The following MAP4K1 variants were observed in gnomAD, a reference collection of about 807,000 sequenced individuals.
MAP4K1 encodes the protein MAPK/ERK kinase kinase kinase 1.
In MAP4K1, 35 loss-of-function variants were observed where a neutral mutation model predicts 122.8. That is an observed-to-expected ratio of 0.29 (90% CI 0.22 to 0.38). MAP4K1 has a LOEUF of 0.38. MAP4K1 is among the 10% of genes least tolerant of loss of function. MAP4K1 has a pLI of 1.00. For synonymous variants in MAP4K1, 412 were observed against 421.3 expected, an observed-to-expected ratio of 0.98 and a Z score of 0.27; for missense variants, 791 against 1,072.6, an observed-to-expected ratio of 0.74 and a Z score of 3.67.
At chr19:38,601,241 AC>A (rs1450689893) in intron 20 of MAP4K1, among the ~76,000 whole-genome samples, 199 bp downstream of exon 20, 1 of 151,872 alleles carries the variant, frequency 6.6e-6, no homozygotes, top group Non-Finnish European at 1.5e-5. Context: ...GAGCCACCAC[AC>A]CTGGCTGCCC....
chr19:38,596,063 C>T, intron 26 of MAP4K1, 62 bp from the exon 27 acceptor site: 1 of 1,525,388 alleles, frequency 6.6e-7, no homozygotes, highest in South Asian at 1.1e-5. Context: ...CACACCACCC[C>T]CAGAAGGCCA....
chr19:38,591,414 C>G (rs1182157500), intron 30 of MAP4K1, among the ~76,000 whole-genome samples: 1 of 150,550 alleles, frequency 6.6e-6, no homozygotes, highest in Non-Finnish European at 1.5e-5. Context: ...AACTGTAGTC[C>G]CAGCTACTCA....
intron 19 of MAP4K1, among the ~76,000 whole-genome samples, chr19:38,603,674 A>G (rs1214778198): frequency 1.3e-5 from 2 of 152,026 alleles, no homozygotes; most frequent in Non-Finnish European, 2.9e-5. Context: ...GCCTCTATAA[A>G]ACATTTTTTT....
chr19:38,611,556 G>T (rs931099771), intron 9 of MAP4K1, among the ~76,000 whole-genome samples: 4 of 152,180 alleles, frequency 2.6e-5, no homozygotes, highest in Admixed American at 6.5e-5. Flanking sequence ...GCCAAGGCGG[G>T]AGGATAGCTT....
intron 20 of MAP4K1, among the ~76,000 whole-genome samples, chr19:38,600,799 A>ATTTTTTTTTTTT (rs560496607): frequency 2.2e-5 from 2 of 90,958 alleles, no homozygotes; most frequent in African/African-American, 4.3e-5. Flanking sequence ...CCCTCTACCC[A>ATTTTTTTTTTTT]TTTTTTTTTT....
intron 16 of MAP4K1, among the ~76,000 whole-genome samples, chr19:38,606,866 G>A (rs1022171946): frequency 2.0e-5 from 3 of 152,156 alleles, no homozygotes; most frequent in African/African-American, 7.2e-5. Context: ...ACAGGCTGTC[G>A]CACGTGATGG....
rs374788994 is a variant in MAP4K1, at chr19:38,605,434, G to C, written c.1421C>G (p.Pro474Arg). Reference sequence around the variant, plus strand: ...CTTTCTCTTCATCTTTTCCTTCTTGGGGGGCAGAAGTGGGGGCTTGTCAAG... The same window carrying C: ...CTTTCTCTTCATCTTTTCCTTCTTGCGGGGCAGAAGTGGGGGCTTGTCAAG... ...RELDKPPLLP[P>R]KKEKMKRKGC... Residue 474 changes from proline (P) to arginine (R), a missense_variant, in exon 19 of 31, where the codon CCC becomes CGC. Transcript: ENST00000396857. 6.2e-7 allele frequency: 1 copy of C among 1,601,608 alleles called. No homozygotes were observed. Among genetic ancestry groups the C allele is most frequent in the Non-Finnish European group, 8.5e-7 (1 of 1,175,248 alleles).
intron 20 of MAP4K1, among the ~76,000 whole-genome samples, chr19:38,600,356 G>A (rs1400755001): frequency 6.6e-6 from 1 of 152,000 alleles, no homozygotes; most frequent in Non-Finnish European, 1.5e-5. Context: ...CCCTCCTTTT[G>A]ACTACCCATA....
chr19:38,600,213 C>T, intron 20 of MAP4K1, 60 bp from the exon 21 acceptor site: 1 of 1,420,304 alleles, frequency 7.0e-7, no homozygotes, highest in South Asian at 1.2e-5. Context: ...CCCAGATCCC[C>T]ACCTGTCTGA....
Position 38,596,409 on chromosome 19 carries a change from C to T in MAP4K1, c.2019G>A (p.Val673=), listed in dbSNP as rs1466796130. Residue 673 remains valine (V), a synonymous_variant, in exon 26 of 31, where the codon GTG becomes GTA. Transcript: ENST00000396857. ...LTGPGSELPA[V]CIGVSPGRPG... is the part of the protein sequence containing the mutation. ...GCCGCCCGGGGCTCACGCCGATGCA[C>T]ACAGCGGGCAGCTCAGAGCCTGGCC... 6.3e-6 allele frequency: 10 copies of T among 1,594,742 alleles called. No homozygotes were observed. The South Asian group carries it at 9.0e-5, about 14-fold the overall frequency.
chr19:38,609,883 G>A, intron 12 of MAP4K1, 26 bp downstream of exon 12: 3 of 1,590,136 alleles, frequency 1.9e-6, no homozygotes, highest in Non-Finnish European at 2.6e-6. Context: ...GAGGTCCCCA[G>A]TGCTCTTGTC....
rs1408564722 is a variant in MAP4K1 at position 38,609,246 on chromosome 19, T to C, written c.1006+350A>G. On this transcript the variant is annotated intron_variant, in intron 13 of 30. Transcript: ENST00000396857. ...ACCTCCCAGGTTCAGGCAATCCTCC[T>C]ACCTCAGCCTCCCAAGTAGCTTGGA... is the stretch of plus-strand genomic sequence containing the variant. 2.0e-5 allele frequency among the ~76,000 whole-genome samples: 3 copies of C among 152,252 alleles called. No homozygotes were observed. The South Asian group carries it at 6.2e-4, about 32-fold the overall frequency.
rs202144106 is a variant in MAP4K1, at chr19:38,614,458, C to T, written c.314-13G>A. The T allele has an allele frequency of 2.5e-6, 4 of 1,613,818 alleles. No homozygotes were observed. Among genetic ancestry groups the T allele is most frequent in the Non-Finnish European group, 3.4e-6 (4 of 1,180,038 alleles). ...AGGGAGCCTGTCACTGCAAAGGTCACCCCGGCCAGGCCAGGCATTGGATGG... is the reference window on the plus strand; with the variant it reads ...AGGGAGCCTGTCACTGCAAAGGTCATCCCGGCCAGGCCAGGCATTGGATGG... On this transcript the variant is annotated splice_polypyrimidine_tract_variant and intron_variant, in intron 4 of 30. Coordinates refer to ENST00000396857, the MANE Select transcript of MAP4K1 (RefSeq NM_001042600.3).
At chr19:38,598,251 G>A (rs1194639844) in intron 22 of MAP4K1, among the ~76,000 whole-genome samples, 3 of 151,782 alleles carry the variant, frequency 2.0e-5, no homozygotes, top group African/African-American at 4.8e-5. Flanking sequence ...GTCTGGTCTC[G>A]AACTACTGAC....
At chr19:38,592,976 G>A (rs933376882) in intron 30 of MAP4K1, among the ~76,000 whole-genome samples, 4 of 151,638 alleles carry the variant, frequency 2.6e-5, no homozygotes, top group Non-Finnish European at 1.5e-5. Flanking sequence ...GGCACATGCC[G>A]GTAGTTCCAG....
chr19:38,595,308 AAAT>A (rs1225881989), intron 29 of MAP4K1, among the ~76,000 whole-genome samples, 174 bp downstream of exon 29: 3 of 152,158 alleles, frequency 2.0e-5, no homozygotes, highest in African/African-American at 7.2e-5. Flanking sequence ...AAATAAATAA[AAAT>A]AAAATAAAAA....
chr19:38,589,092 G>C (rs1471160913), intron 30 of MAP4K1: 1 of 152,122 alleles, frequency 6.6e-6, no homozygotes, highest in Admixed American at 6.6e-5. Context: ...ACCATTTATT[G>C]TTAGTAGCCA....
At chr19:38,591,670 AAAAT>A (rs1277933033) in intron 30 of MAP4K1, among the ~76,000 whole-genome samples, 1 of 151,964 alleles carries the variant, frequency 6.6e-6, no homozygotes, top group Non-Finnish European at 1.5e-5. Context: ...ATAAAAATCT[AAAAT>A]AAAAATGCAG....
chr19:38,604,128 CAAAAAAAAAAA>C (rs200072842), intron 19 of MAP4K1, among the ~76,000 whole-genome samples: 27 of 53,516 alleles, frequency 5.0e-4, no homozygotes, highest in East Asian at 1.7e-3. Context: ...GATACTATCT[CAAAAAAAAAAA>C]AAAAAAAAAA....
Sources: gnomAD v4.1 joint callset for allele counts (sites outside exome capture counted in the v4.1 genomes callset) on GRCh38, gnomAD v4.1.1 for gene constraint, MANE v1.5 for transcripts, NCBI Gene and HGNC (gene_info 2026-07-23, HGNC 2026-07-21) for gene names.